Variants in ZMYM1 observed in about 807,000 individuals in gnomAD.
The protein encoded by ZMYM1 is zinc finger MYM-type protein 1.
Under a neutral mutation model 60.0 loss-of-function variants are expected in ZMYM1, and 39 were observed. That is an observed-to-expected ratio of 0.65 (90% CI 0.50 to 0.85). ZMYM1 has a LOEUF of 0.85. ZMYM1 is among the 40% of genes least tolerant of loss of function. ZMYM1 has a pLI of 0.00. For synonymous variants in ZMYM1, 413 were observed against 454.0 expected, an observed-to-expected ratio of 0.91 and a Z score of 1.15; for missense variants, 1,171 against 1,309.5, an observed-to-expected ratio of 0.89 and a Z score of 1.63.
chr1:35,107,393 C>T (rs924431177), intron 6 of ZMYM1, among the ~76,000 whole-genome samples: 67 of 150,506 alleles, frequency 4.5e-4, no homozygotes, highest in Non-Finnish European at 8.4e-4. Context: ...GGCATGAACC[C>T]GGGAGGCGGA....
intron 1 of ZMYM1, among the ~76,000 whole-genome samples, chr1:35,084,303 T>C (rs1642544558): frequency 6.6e-6 from 1 of 152,160 alleles, no homozygotes; most frequent in Admixed American, 6.5e-5. Flanking sequence ...TGTGGGTTTG[T>C]TTCTATTGCC....
In ZMYM1 at chr1:35,115,293, T is replaced by C. The variant is rs773032296; in HGVS notation, c.*34T>C. Reference sequence around the variant, plus strand: ...CATTTGAACTTACCTAAAAGACTTGTATTTCCATTGGGATGTTTTCATTTC... The same window carrying C: ...CATTTGAACTTACCTAAAAGACTTGCATTTCCATTGGGATGTTTTCATTTC... On this transcript the variant is annotated 3_prime_UTR_variant, in exon 10 of 10. Transcript: ENST00000359858. The C allele has an allele frequency of 4.0e-6, 6 of 1,506,132 alleles. No homozygotes were observed. Among genetic ancestry groups the C allele is most frequent in the Non-Finnish European group, 5.3e-6 (6 of 1,135,520 alleles). 93.3% of individuals were successfully genotyped at this position (1,506,132 alleles called of 1,614,324 possible).
intron 1 of ZMYM1, among the ~76,000 whole-genome samples, chr1:35,088,232 A>G (rs1416434301): frequency 6.6e-6 from 1 of 151,862 alleles, no homozygotes; most frequent in Non-Finnish European, 1.5e-5. Context: ...ATCCTGGCCA[A>G]CATGGTGAAA....
intron 9 of ZMYM1, 83 bp from the exon 10 acceptor site, chr1:35,112,894 C>T (rs12563840): frequency 8.2e-7 from 1 of 1,223,604 alleles, no homozygotes; most frequent in Non-Finnish European, 1.1e-6. Context: ...ATTTATTTTA[C>T]TATGTTATTA....
intron 1 of ZMYM1, among the ~76,000 whole-genome samples, chr1:35,086,711 C>T (rs1038241336): frequency 6.7e-6 from 1 of 149,960 alleles, no homozygotes; most frequent in African/African-American, 2.5e-5. Flanking sequence ...GATGCAGTTT[C>T]GCACTGTCAC....
At chr1:35,068,898 G>A (rs1411951266) in intron 1 of ZMYM1, among the ~76,000 whole-genome samples, 3 of 152,084 alleles carry the variant, frequency 2.0e-5, no homozygotes, top group Non-Finnish European at 4.4e-5. Flanking sequence ...GGGCAATGGC[G>A]TGATGTTGGC....
intron 3 of ZMYM1, 45 bp downstream of exon 3, chr1:35,095,936 G>A (rs774129460): frequency 1.0e-5 from 14 of 1,360,448 alleles, no homozygotes; most frequent in African/African-American, 2.9e-5. Flanking sequence ...AGACCAATAC[G>A]ACAGCTGATT....
At chr1:35,118,663 C>T (rs974663692), downstream of ZMYM1, among the ~76,000 whole-genome samples, 2 of 151,420 alleles carry the variant, frequency 1.3e-5, no homozygotes, top group Non-Finnish European at 2.9e-5. Flanking sequence ...GCCGGGATCG[C>T]ACCACAGCAC....
chr1:35,093,807 G>C, intron 1 of ZMYM1, 107 bp from the exon 2 acceptor site: 1 of 418,056 alleles, frequency 2.4e-6, no homozygotes, highest in Non-Finnish European at 4.3e-6. Context: ...TTCAATGAAG[G>C]AACCTTGATG....
intron 4 of ZMYM1, among the ~76,000 whole-genome samples, chr1:35,101,705 A>G (rs1162886637): frequency 6.6e-6 from 1 of 151,548 alleles, no homozygotes; most frequent in Non-Finnish European, 1.5e-5. Flanking sequence ...CTCCCAAAAC[A>G]TTGATCACAA....
Position 35,097,689 on chromosome 1 carries a change from G to A in ZMYM1, c.419+123G>A, listed in dbSNP as rs113306387. On this transcript the variant is annotated intron_variant, in intron 4 of 9. Transcript: ENST00000359858. ...GACTGAGTTTGACTCTTGTTGCCCA[G>A]GCTGGAGTGCAGTGGCACGATCTCG... The A allele has an allele frequency of 3.1e-3, 3,776 of 1,230,758 alleles. 91 individuals carry two copies. The African/African-American group carries it at 0.05, about 16-fold the overall frequency. 76.2% of individuals were successfully genotyped at this position (1,230,758 alleles called of 1,614,324 possible).
At chr1:35,073,327 G>A (rs1388421656) in intron 1 of ZMYM1, among the ~76,000 whole-genome samples, 5 of 86,494 alleles carry the variant, frequency 5.8e-5, no homozygotes, top group African/African-American at 1.7e-4. Flanking sequence ...AAAAGAAAGG[G>A]AGAAAGAAAG....
intron 6 of ZMYM1, among the ~76,000 whole-genome samples, chr1:35,109,530 C>T (rs975650092): frequency 2.0e-5 from 3 of 151,958 alleles, no homozygotes; most frequent in Non-Finnish European, 4.4e-5. Context: ...TAATTTTTAC[C>T]ATGAAGTTAG....
intron 4 of ZMYM1, 112 bp downstream of exon 4, chr1:35,097,678 C>G: frequency 2.2e-6 from 3 of 1,351,912 alleles, no homozygotes; most frequent in Middle Eastern, 2.2e-4. Context: ...GAGTTTGACT[C>G]TTGTTGCCCA....
At chr1:35,066,332 G>A (rs935941831) in intron 1 of ZMYM1, among the ~76,000 whole-genome samples, 3 of 152,136 alleles carry the variant, frequency 2.0e-5, no homozygotes, top group African/African-American at 4.8e-5. Context: ...CAAGTAGCTG[G>A]GATTACAGGC....
intron 1 of ZMYM1, among the ~76,000 whole-genome samples, chr1:35,073,245 T>C: frequency 1.9e-5 from 1 of 51,704 alleles, no homozygotes; most frequent in Non-Finnish European, 3.5e-5. Flanking sequence ...AGAGCAACAC[T>C]CTGTCAAAAA....
At chr1:35,093,862 A>G (rs1457277791) in intron 1 of ZMYM1, 52 bp from the exon 2 acceptor site, 6 of 641,736 alleles carry the variant, frequency 9.3e-6, no homozygotes, top group South Asian at 2.6e-5. Context: ...AAATTACCAT[A>G]TTTAAAAGGA....
intron 1 of ZMYM1, among the ~76,000 whole-genome samples, chr1:35,064,797 C>T (rs1641941667): frequency 6.6e-6 from 1 of 150,616 alleles, no homozygotes; most frequent in Non-Finnish European, 1.5e-5. Context: ...CGCCATTCTC[C>T]TGCCTCAGCC....
intron 1 of ZMYM1, among the ~76,000 whole-genome samples, chr1:35,066,103 C>A (rs1313909731): frequency 6.6e-6 from 1 of 152,140 alleles, no homozygotes; most frequent in East Asian, 1.9e-4. Context: ...ATAAAAAAAA[C>A]CTCCTACAAC....
Sources: gnomAD v4.1 joint callset for allele counts (sites outside exome capture counted in the v4.1 genomes callset) on GRCh38, gnomAD v4.1.1 for gene constraint, MANE v1.5 for transcripts, NCBI Gene and HGNC (gene_info 2026-07-23, HGNC 2026-07-21) for gene names.